ASXL2: variants seen among roughly 807,000 people sequenced by gnomAD.
The protein encoded by ASXL2 is ASXL transcriptional regulator 2, also known as putative Polycomb group protein ASXL2.
A neutral mutation model predicts 122.0 loss-of-function variants in ASXL2; 23 were observed. The ratio of observed to expected loss-of-function variants is 0.19; its 90% CI spans 0.14 to 0.27. The LOEUF is 0.27. ASXL2 is among the 10% of genes least tolerant of loss of function. The probability of loss-of-function intolerance (pLI) is 1.00; values close to 1 mark genes in which losing one functional copy is unlikely to be tolerated. For synonymous variants in ASXL2, 650 were observed against 637.0 expected (o/e 1.02, Z -0.31); for missense variants, 1,518 against 1,713.8 (o/e 0.89, Z 2.02).
intron 3 of ASXL2, among the ~76,000 whole-genome samples, chr2:25,832,124 G>GA (rs1421496535): frequency 2.6e-5 from 4 of 152,252 alleles, no homozygotes; most frequent in Non-Finnish European, 4.4e-5. Context: ...GCACCAGGAA[G>GA]AAAAAACAGA....
intron 12 of ASXL2, among the ~76,000 whole-genome samples, chr2:25,748,188 A>C (rs1310466947): frequency 6.6e-6 from 1 of 150,592 alleles, no homozygotes; most frequent in Non-Finnish European, 1.5e-5. Context: ...GGGGGGCAAA[A>C]AACAAGCAAT....
At chr2:25,796,295 C>T (rs1161227092) in intron 5 of ASXL2, among the ~76,000 whole-genome samples, 1 of 152,178 alleles carries the variant, frequency 6.6e-6, no homozygotes, top group Non-Finnish European at 1.5e-5. Flanking sequence ...ACTCACCTAT[C>T]ATCACTCAAA....
intron 9 of ASXL2, among the ~76,000 whole-genome samples, chr2:25,756,831 G>A (rs960016910): frequency 2.0e-5 from 3 of 152,182 alleles, no homozygotes; most frequent in African/African-American, 4.8e-5. Context: ...GCAGTCAGCT[G>A]GAAATTGCCT....
intron 8 of ASXL2, among the ~76,000 whole-genome samples, chr2:25,764,118 A>G (rs2088299874): frequency 6.6e-6 from 1 of 152,258 alleles, no homozygotes; most frequent in Admixed American, 6.5e-5. Flanking sequence ...GTACCTAAAG[A>G]TACAAAATAA....
chr2:25,756,398 C>T (rs573805630), intron 9 of ASXL2, among the ~76,000 whole-genome samples: 14 of 131,920 alleles, frequency 1.1e-4, no homozygotes, highest in African/African-American at 4.1e-4. Flanking sequence ...AGTGCTGGAA[C>T]AACTGGCTAT....
intron 1 of ASXL2, among the ~76,000 whole-genome samples, chr2:25,847,228 C>T (rs1466906709): frequency 4.6e-5 from 7 of 152,176 alleles, no homozygotes; most frequent in African/African-American, 1.4e-4. Context: ...TCATAAAACC[C>T]AACACATATT....
chr2:25,856,533 CA>C, intron 1 of ASXL2: 1 of 1,128,846 alleles, frequency 8.9e-7, no homozygotes, highest in Non-Finnish European at 1.3e-6. Flanking sequence ...CCTCAATCCT[CA>C]AATGAGTTGG....
chr2:25,739,706 C>T lies in ASXL2; in HGVS notation c.*2323G>A, dbSNP rs2087795641. 4.8e-6 allele frequency: 1 copy of T among 207,544 alleles called. No homozygotes were observed. The highest frequency in any genetic ancestry group is 9.8e-6 in the Non-Finnish European group (1 of 101,940). 12.9% of individuals were successfully genotyped at this position (207,544 alleles called of 1,614,324 possible). On this transcript the variant is annotated 3_prime_UTR_variant, in exon 13 of 13. Transcript: ENST00000435504. ...TAAACGGACTTAAAAATCCCTGATA[C>T]CTTTCCTCCTTTCCTAGTTATAGTC...
chr2:25,792,554 C>G (rs906244722), intron 5 of ASXL2, among the ~76,000 whole-genome samples: 2 of 151,512 alleles, frequency 1.3e-5, no homozygotes, highest in Non-Finnish European at 2.9e-5. Flanking sequence ...AACAAAAAAA[C>G]AAAAATCATT....
intron 1 of ASXL2, among the ~76,000 whole-genome samples, chr2:25,874,300 G>T (rs936063441): frequency 3.9e-5 from 6 of 152,154 alleles, no homozygotes; most frequent in Non-Finnish European, 8.8e-5. Flanking sequence ...ACCAGCCTGG[G>T]CAACATGGCG....
chr2:25,788,523 GTAGTTGTAC>G (rs1002327011), intron 5 of ASXL2, among the ~76,000 whole-genome samples: 100 of 152,296 alleles, frequency 6.6e-4, no homozygotes, highest in African/African-American at 8.4e-4. Context: ...GTTTTCCAAA[GTAGTTGTAC>G]TAGTTGTACT....
intron 3 of ASXL2, among the ~76,000 whole-genome samples, chr2:25,821,482 G>A (rs919916821): frequency 1.3e-5 from 2 of 152,010 alleles, no homozygotes; most frequent in Admixed American, 6.6e-5. Flanking sequence ...AAATATGCGG[G>A]GCTGGGCGTG....
At position 25,812,163 on chromosome 2, in the gene ASXL2, C is replaced by CAA. The variant is rs70950124; in HGVS notation, c.144-5828_144-5827dup. ...ATTTCCTGTGAGTCTATAATTATTT[C>CAA]AAAAAAAAAAAAAGGCTGGCCGCAG... On this transcript the variant is annotated intron_variant, in intron 3 of 12. Transcript: ENST00000435504. Among the ~76,000 whole-genome samples the CAA allele has an allele frequency of 8.5e-3, 1,177 of 138,690 alleles. 15 individuals are homozygous for CAA. Among genetic ancestry groups the CAA allele is most frequent in the African/African-American group, 0.027 (1,020 of 37,884 alleles). 91.0% of individuals were successfully genotyped at this position (138,690 alleles called of 152,430 possible).
intron 1 of ASXL2, among the ~76,000 whole-genome samples, chr2:25,853,860 A>C (rs748524062): frequency 6.6e-6 from 1 of 151,888 alleles, no homozygotes; most frequent in Non-Finnish European, 1.5e-5. Flanking sequence ...TAAAACACTT[A>C]ATGGTTGGCT....
At chr2:25,807,464 GAA>G (rs1341214605) in intron 3 of ASXL2, among the ~76,000 whole-genome samples, 1 of 152,154 alleles carries the variant, frequency 6.6e-6, no homozygotes, top group Non-Finnish European at 1.5e-5. Context: ...TTTTGCAGAA[GAA>G]ACTATTGAGC....
intron 3 of ASXL2, among the ~76,000 whole-genome samples, chr2:25,816,886 A>G (rs1270389106): frequency 6.6e-6 from 1 of 152,196 alleles, no homozygotes; most frequent in Non-Finnish European, 1.5e-5. Flanking sequence ...ACACTTTGGG[A>G]GGCCGAGGTT....
rs2149136616 is a variant in ASXL2, at chr2:25,743,194, C to T, written c.3143G>A (p.Ser1048Asn). The change falls in exon 13 of 13, where the codon AGC becomes AAC. Residue 1048 changes from serine (S) to asparagine (N), a missense_variant. Physicochemically the swap from Ser to Asn is conservative, Grantham distance 46 (BLOSUM62 1). This residue lies in a region of ASXL2 where 831 missense variants were observed against 833.1 expected (regional missense o/e 1.00). Transcript: ENST00000435504. ...LFSAKELRDSSIDTHQYHEGL... is the reference protein window; with the variant it reads ...LFSAKELRDSNIDTHQYHEGL... ...TTCGTGGTATTGGTGTGTGTCAATG[C>T]TGGAGTCCCTCAGCTCCTTAGCTGA... 2 of 1,613,954 alleles carry T rather than the reference C, an allele frequency of 1.2e-6. No individual in the cohort carries two copies. Among genetic ancestry groups the T allele is most frequent in the Non-Finnish European group, 8.5e-7 (1 of 1,179,868 alleles).
chr2:25,863,191 G>T (rs538487524), intron 1 of ASXL2, among the ~76,000 whole-genome samples: 1 of 151,940 alleles, frequency 6.6e-6, no homozygotes, highest in African/African-American at 2.4e-5. Context: ...TTAGCCGGGC[G>T]TGGTGGTACG....
intron 5 of ASXL2, among the ~76,000 whole-genome samples, chr2:25,783,108 G>T (rs1376257479): frequency 6.6e-6 from 1 of 152,068 alleles, no homozygotes; most frequent in African/African-American, 2.4e-5. Context: ...CAGCCTGGGG[G>T]ACAGAATGAG....
Sources: gnomAD v4.1 joint callset for allele counts (sites outside exome capture counted in the v4.1 genomes callset) on GRCh38, gnomAD v4.1.1 for gene constraint, gnomAD v4.1.1 regional missense constraint, MANE v1.5 for transcripts, NCBI Gene and HGNC (gene_info 2026-07-23, HGNC 2026-07-21) for gene names.